The following MARCO variants were observed in gnomAD, a reference collection of about 807,000 sequenced individuals.
MARCO encodes macrophage receptor MARCO.
MARCO carries 72 observed loss-of-function variants against 70.0 expected under a neutral mutation model. The observed-to-expected ratio is 1.03, with a 90% CI of 0.85 to 1.25. MARCO has a LOEUF of 1.25. Among genes scored for constraint, MARCO ranks in the 50% most tolerant of loss-of-function variants. The probability of loss-of-function intolerance (pLI) is 0.00; values close to 1 mark genes in which losing one functional copy is unlikely to be tolerated. For synonymous variants in MARCO, 273 were observed against 243.1 expected (o/e 1.12, Z -1.14); for missense variants, 696 against 659.3 (o/e 1.06, Z -0.61).
Position 118,986,672 on chromosome 2 carries a change from G to GAAAGAAAGAAA in MARCO, c.1064-3917_1064-3916insAAAGAAAGAAA, listed in dbSNP as rs1680505791. Among the ~76,000 whole-genome samples, 68 of 48,644 alleles carry GAAAGAAAGAAA rather than the reference G, an allele frequency of 1.4e-3. 5 individuals carry two copies. Among genetic ancestry groups the GAAAGAAAGAAA allele is most frequent in the Admixed American group, 3.4e-3 (15 of 4,464 alleles). 31.9% of individuals were successfully genotyped at this position (48,644 alleles called of 152,430 possible). ...AAGAAAGAAGGAAGGAAGGAAGGAA[G>GAAAGAAAGAAA]GAAAGAAAGAAAGAAAGAAAGAAAG... On this transcript the variant is annotated intron_variant, in intron 12 of 16. Transcript: ENST00000327097.
At chr2:118,965,446 A>C (rs1680026843) in intron 1 of MARCO, among the ~76,000 whole-genome samples, 1 of 152,072 alleles carries the variant, frequency 6.6e-6, no homozygotes, top group African/African-American at 2.4e-5. Context: ...CTTTTAAAAA[A>C]TTTGTTTCAA....
chr2:118,947,756 T>A lies in MARCO; in HGVS notation c.97+5359T>A, dbSNP rs1272152153. Among the ~76,000 whole-genome samples, 4 of 152,374 alleles carry A rather than the reference T, an allele frequency of 2.6e-5. No individual in the cohort carries two copies. The East Asian group carries it at 7.7e-4, about 29-fold the overall frequency. ...TACTATAGTTATATTGTAAGCGTTA[T>A]TATCAAATAGAGTTATTCCTCAAAT... On this transcript the variant is annotated intron_variant, in intron 1 of 16. Transcript: ENST00000327097.
intron 2 of MARCO, among the ~76,000 whole-genome samples, chr2:118,969,852 T>C (rs947942998): frequency 6.6e-5 from 10 of 152,014 alleles, no homozygotes; most frequent in Admixed American, 1.3e-4. Context: ...TGCCTGAAGG[T>C]TGGAGATTGA....
In MARCO at chr2:118,982,360, G is replaced by T; in HGVS notation, c.1013G>T (p.Ser338Ile). ...GSPGRAGLPG[S>I]PGSPGATGLK... ...GTCTGTTGTCCAGGACTTCCAGGGAGCCCCGGGAGTCCAGGAGCCACAGGC... is the reference window on the plus strand; with the variant it reads ...GTCTGTTGTCCAGGACTTCCAGGGATCCCCGGGAGTCCAGGAGCCACAGGC... Residue 338 changes from serine to isoleucine, a missense_variant, in exon 12 of 17, where the codon AGC becomes ATC. Ser to Ile is a moderately radical substitution (Grantham distance 142). This residue lies in a region of MARCO where 605 missense variants were observed against 537.6 expected (regional missense o/e 1.13). Coordinates refer to ENST00000327097, the MANE Select transcript of MARCO (RefSeq NM_006770.4). The T allele has an allele frequency of 6.2e-7, 1 of 1,613,934 alleles. No homozygotes were observed. Among genetic ancestry groups the T allele is most frequent in the Non-Finnish European group, 8.5e-7 (1 of 1,179,886 alleles).
chr2:118,991,384 T>TC (rs1363954719), intron 13 of MARCO, among the ~76,000 whole-genome samples: 1 of 152,040 alleles, frequency 6.6e-6, no homozygotes, highest in Non-Finnish European at 1.5e-5. Flanking sequence ...CACCTTCGTC[T>TC]CCCAAAGCTT....
chr2:118,946,737 C>G (rs190292686), intron 1 of MARCO, among the ~76,000 whole-genome samples: 1 of 152,144 alleles, frequency 6.6e-6, no homozygotes, highest in Non-Finnish European at 1.5e-5. Context: ...AAGAAGTAGT[C>G]GATATATTTT....
Position 118,969,272 on chromosome 2 carries a change from C to T in MARCO, c.199+11C>T, listed in dbSNP as rs956063170. On this transcript the variant is annotated intron_variant, in intron 2 of 16. Coordinates refer to ENST00000327097, the MANE Select transcript of MARCO (RefSeq NM_006770.4). Reference sequence around the variant, plus strand: ...TGCTGGTGGTCCAAGGTAAAGCAGGCTTGGTCCTGTGTAGTCCCTCCTGGG... The same window carrying T: ...TGCTGGTGGTCCAAGGTAAAGCAGGTTTGGTCCTGTGTAGTCCCTCCTGGG... 6.2e-7 allele frequency: 1 copy of T among 1,611,856 alleles called. No individual in the cohort carries two copies. The highest frequency in any genetic ancestry group is 8.5e-7 in the Non-Finnish European group (1 of 1,177,994).
rs188183726 is a variant in MARCO at position 118,994,523 on chromosome 2, C to T, written c.*3C>T. Reference sequence around the variant, plus strand: ...CAGGCGTGGAGTGCAGCGTCTGACCCGGAAACCCTTTCACTTCTCTGCTCC... The same window carrying T: ...CAGGCGTGGAGTGCAGCGTCTGACCTGGAAACCCTTTCACTTCTCTGCTCC... On this transcript the variant is annotated 3_prime_UTR_variant, in exon 17 of 17. Coordinates refer to ENST00000327097, the MANE Select transcript of MARCO (RefSeq NM_006770.4). 125 of 1,576,426 alleles carry T rather than the reference C, an allele frequency of 7.9e-5. No individual in the cohort carries two copies. In the African/African-American group the frequency reaches 9.1e-4, roughly 11 times the overall value.
At chr2:118,965,032 G>C (rs531147968) in intron 1 of MARCO, among the ~76,000 whole-genome samples, 1 of 152,088 alleles carries the variant, frequency 6.6e-6, no homozygotes, top group East Asian at 1.9e-4. Context: ...TCTTGATATG[G>C]ATTTCTTTGA....
At chr2:118,943,536 G>T (rs541439062) in intron 1 of MARCO, among the ~76,000 whole-genome samples, 2 of 152,108 alleles carry the variant, frequency 1.3e-5, no homozygotes, top group Non-Finnish European at 2.9e-5. Context: ...GACAGGGTAA[G>T]CTGCCCATGA....
intron 1 of MARCO, among the ~76,000 whole-genome samples, chr2:118,952,367 T>TCCTGGGGC (rs2104552001): frequency 6.6e-6 from 1 of 152,228 alleles, no homozygotes; most frequent in Admixed American, 6.5e-5. Context: ...AAGGGAGAAT[T>TCCTGGGGC]AGGCCCCTTT....
Position 118,969,263 on chromosome 2 carries a change from TA to T in MARCO, c.199+5del. Reference sequence around the variant, plus strand: ...GCGCTGGGCTGCTGGTGGTCCAAGGTAAAGCAGGCTTGGTCCTGTGTAGTCC... The same window carrying T: ...GCGCTGGGCTGCTGGTGGTCCAAGGTAAGCAGGCTTGGTCCTGTGTAGTCC... On this transcript the variant is annotated splice_donor_region_variant and intron_variant, in intron 2 of 16. Transcript: ENST00000327097. 1 of 1,613,188 alleles carries T rather than the reference TA, an allele frequency of 6.2e-7. No individual in the cohort carries two copies. Among genetic ancestry groups the T allele is most frequent in the Non-Finnish European group, 8.5e-7 (1 of 1,179,228 alleles).
At chr2:118,966,819 C>T (rs1435057785) in intron 1 of MARCO, among the ~76,000 whole-genome samples, 1 of 152,166 alleles carries the variant, frequency 6.6e-6, no homozygotes, top group African/African-American at 2.4e-5. Flanking sequence ...CAGTGCTGTC[C>T]ATGACACTGT....
rs917379481 is a variant in MARCO, at chr2:118,993,395, T to C, written c.1429+95T>C. 5.3e-5 allele frequency: 68 copies of C among 1,274,338 alleles called. No homozygotes were observed. In the South Asian group the frequency reaches 8.9e-4, roughly 17 times the overall value. 78.9% of individuals were successfully genotyped at this position (1,274,338 alleles called of 1,614,324 possible). A position where few individuals can be genotyped will look rare whatever the true frequency, so the allele number is the denominator to read the frequency against. On this transcript the variant is annotated intron_variant, in intron 16 of 16. Transcript: ENST00000327097. ...GTTGGCAAGTGACTCAGTGTGGTTT[T>C]CTTTAAAAGAAAAATATTGGTCCAA...
intron 1 of MARCO, among the ~76,000 whole-genome samples, chr2:118,958,277 G>T (rs949303122): frequency 1.3e-5 from 2 of 151,894 alleles, no homozygotes; most frequent in Non-Finnish European, 2.9e-5. Flanking sequence ...AAAGCTCCTA[G>T]AACTGATAAA....
At chr2:118,982,484 T>C in intron 12 of MARCO, 74 bp downstream of exon 12, 1 of 1,408,976 alleles carries the variant, frequency 7.1e-7, no homozygotes, top group Non-Finnish European at 1.0e-6. Context: ...AACTGCTTCT[T>C]CTTAGGCCCA....
intron 2 of MARCO, 56 bp downstream of exon 2, chr2:118,969,317 T>C (rs2104576278): frequency 7.1e-7 from 1 of 1,411,786 alleles, no homozygotes; most frequent in East Asian, 2.3e-5. Flanking sequence ...GTGACCCAGC[T>C]GGGCCCCTCA....
chr2:118,969,789 C>A (rs749924703), intron 2 of MARCO, among the ~76,000 whole-genome samples: 9 of 151,874 alleles, frequency 5.9e-5, no homozygotes, highest in Non-Finnish European at 1.3e-4. Flanking sequence ...TAGGTCAGAC[C>A]AGCATGTTAG....
At chr2:118,973,080 GTC>G (rs1415674615) in intron 4 of MARCO, among the ~76,000 whole-genome samples, 1 of 149,686 alleles carries the variant, frequency 6.7e-6, no homozygotes, top group African/African-American at 2.5e-5. Flanking sequence ...CTCTCTCCAT[GTC>G]TCTCTCTCTG....
Sources: allele counts gnomAD v4.1 joint callset (sites outside exome capture counted in the v4.1 genomes callset), GRCh38; gene constraint gnomAD v4.1.1; regional missense constraint gnomAD v4.1.1; transcripts MANE v1.5; gene names NCBI Gene and HGNC (gene_info 2026-07-23, HGNC 2026-07-21).